CAVIN4: variants seen among roughly 807,000 people sequenced by gnomAD.
CAVIN4 encodes caveolae-associated protein 4.
CAVIN4 carries 10 observed loss-of-function variants against 18.6 expected under a neutral mutation model. The observed-to-expected ratio is 0.54, with a 90% CI of 0.33 to 0.91. The LOEUF is 0.91. Ranked by LOEUF, CAVIN4 falls within the 40% of genes least tolerant of loss-of-function variation. CAVIN4 has a pLI of 0.02. For synonymous variants in CAVIN4, 173 were observed against 164.8 expected (o/e 1.05, Z -0.38); for missense variants, 459 against 440.5 (o/e 1.04, Z -0.38).
chr9:100,584,847 C>A (rs964835510), intron 1 of CAVIN4, among the ~76,000 whole-genome samples: 1 of 152,108 alleles, frequency 6.6e-6, no homozygotes, highest in Non-Finnish European at 1.5e-5. Flanking sequence ...GAGACCCCGT[C>A]TTTATGAAAA....
chr9:100,578,468 A>G lies in CAVIN4; in HGVS notation c.325A>G (p.Lys109Glu). 1 of 1,614,038 alleles carries G rather than the reference A, an allele frequency of 6.2e-7. No individual in the cohort carries two copies. Among genetic ancestry groups the G allele is most frequent in the Non-Finnish European group, 8.5e-7 (1 of 1,179,966 alleles). Reference sequence around the variant, plus strand: ...TAAAGATGTGAAAGCCCGGGTGGAGAAGCAACAAATTCATGTTAAAAAAGT... The same window carrying G: ...TAAAGATGTGAAAGCCCGGGTGGAGGAGCAACAAATTCATGTTAAAAAAGT... The part of the protein sequence containing the change: ...HIKDVKARVE[K>E]QQIHVKKVEV... Residue 109 changes from lysine (K) to glutamate (E), a missense_variant, in exon 1 of 2, where the codon AAG (lysine) becomes GAG (glutamate). Lys to Glu is a moderately conservative substitution (Grantham distance 56). Coordinates refer to ENST00000307584, the MANE Select transcript of CAVIN4 (RefSeq NM_001018116.2).
intron 1 of CAVIN4, among the ~76,000 whole-genome samples, chr9:100,585,113 G>A (rs1839463273): frequency 6.6e-6 from 1 of 152,182 alleles, no homozygotes; most frequent in African/African-American, 2.4e-5. Flanking sequence ...ATACTTAGTT[G>A]ATGTTCTGGA....
Position 100,578,420 on chromosome 9 carries a change from A to C in CAVIN4, c.277A>C (p.Thr93Pro). The change falls in exon 1 of 2, where the codon ACC becomes CCC. Residue 93 changes from threonine (T) to proline (P), a missense_variant. Physicochemically the swap from Thr to Pro is conservative, Grantham distance 38. Coordinates refer to ENST00000307584, the MANE Select transcript of CAVIN4 (RefSeq NM_001018116.2). ...TATCATTAACAAATTGTTTGAGAAA[A>C]CCCGAAAAGTTAGTGCTCACATTAA... ...GHIINKLFEK[T>P]RKVSAHIKDV... 6.2e-7 allele frequency: 1 copy of C among 1,614,030 alleles called. No homozygotes were observed. The highest frequency in any genetic ancestry group is 1.1e-5 in the South Asian group (1 of 91,068).
chr9:100,583,796 C>T (rs1289568605), intron 1 of CAVIN4, among the ~76,000 whole-genome samples: 2 of 152,164 alleles, frequency 1.3e-5, no homozygotes, highest in African/African-American at 4.8e-5. Flanking sequence ...ACAGGCATGT[C>T]CCACCACACC....
intron 1 of CAVIN4, among the ~76,000 whole-genome samples, chr9:100,582,695 T>C (rs1293733621): frequency 1.3e-5 from 2 of 152,184 alleles, no homozygotes; most frequent in African/African-American, 4.8e-5. Context: ...TCTTTGGGAG[T>C]TCCCCCTGCC....
At chr9:100,581,214 T>G (rs1839423080) in intron 1 of CAVIN4, 1 of 152,232 alleles carries the variant, frequency 6.6e-6, no homozygotes, top group South Asian at 2.1e-4. Context: ...CTGGTCCTCC[T>G]CTATCGTGGA....
At chr9:100,581,407 C>G (rs951816421) in intron 1 of CAVIN4, 1 of 152,204 alleles carries the variant, frequency 6.6e-6, no homozygotes, top group Non-Finnish European at 1.5e-5. Flanking sequence ...GATGTTCAAT[C>G]CAGCCCACAG....
Position 100,586,157 on chromosome 9 carries a change from A to G in CAVIN4, c.801A>G (p.Glu267=). 13 of 1,567,510 alleles carry G rather than the reference A, an allele frequency of 8.3e-6. No individual in the cohort carries two copies. The highest frequency in any genetic ancestry group is 1.1e-5 in the Non-Finnish European group (13 of 1,159,916). ...KSISNAAPSK[E]AFKMRSLRKG... ...TTTCTAATGCAGCTCCCTCAAAGGA[A>G]GCTTTTAAGATGCGCAGCCTCAGGA... The change falls in exon 2 of 2, where the codon GAA becomes GAG. Residue 267 remains glutamate (E), a synonymous_variant. Coordinates refer to ENST00000307584, the MANE Select transcript of CAVIN4 (RefSeq NM_001018116.2).
chr9:100,586,343 T>G lies in CAVIN4; in HGVS notation c.987T>G (p.His329Gln), dbSNP rs752652787. 6 of 1,613,948 alleles carry G rather than the reference T, an allele frequency of 3.7e-6. No individual in the cohort carries two copies. In the South Asian group the frequency reaches 6.6e-5, roughly 18 times the overall value. Reference protein sequence around the residue: ...HEAARPVYPPHEGREIPTPEP... With the variant: ...HEAARPVYPPQEGREIPTPEP... ...CAGCCAGGCCGGTGTATCCTCCCCA[T>G]GAAGGAAGGGAAATCCCCACCCCCG... The change falls in exon 2 of 2, where the codon CAT (histidine) becomes CAG (glutamine). Residue 329 changes from histidine to glutamine, a missense_variant. His to Gln is a conservative substitution (Grantham distance 24). Coordinates refer to ENST00000307584, the MANE Select transcript of CAVIN4 (RefSeq NM_001018116.2).
Position 100,585,924 on chromosome 9 carries a change from T to A in CAVIN4, c.568T>A (p.Ser190Thr). 4 of 1,614,002 alleles carry A rather than the reference T, an allele frequency of 2.5e-6. No homozygotes were observed. The highest frequency in any genetic ancestry group is 3.4e-6 in the Non-Finnish European group (4 of 1,180,006). ...AAGCAGATCTGCCAGGCTTAGGAAG[T>A]CAGGCAAGGAGCACATTGATAATAT... ...EESRSARLRK[S>T]GKEHIDNIKK... is the part of the protein sequence containing the mutation. The change falls in exon 2 of 2, where the codon TCA becomes ACA. Residue 190 changes from serine (S) to threonine (T), a missense_variant. Physicochemically the swap from Ser to Thr is moderately conservative, Grantham distance 58 (BLOSUM62 1). Transcript: ENST00000307584.
chr9:100,583,460 C>A (rs1839447232), intron 1 of CAVIN4, among the ~76,000 whole-genome samples: 1 of 152,158 alleles, frequency 6.6e-6, no homozygotes, highest in East Asian at 1.9e-4. Context: ...CTGCTTCTCA[C>A]CCCCAACCTG....
In CAVIN4 at chr9:100,585,967, A is replaced by G; in HGVS notation, c.611A>G (p.Lys204Arg). 6.2e-7 allele frequency: 1 copy of G among 1,614,178 alleles called. No homozygotes were observed. The highest frequency in any genetic ancestry group is 8.5e-7 in the Non-Finnish European group (1 of 1,180,040). Residue 204 changes from lysine (K) to arginine (R), a missense_variant, in exon 2 of 2, where the codon AAA becomes AGA. Coordinates refer to ENST00000307584, the MANE Select transcript of CAVIN4 (RefSeq NM_001018116.2). ...HIDNIKKAFS[K>R]ENMQKTRQNL... The stretch of plus-strand genomic sequence containing the variant: ...GATAATATCAAGAAGGCATTTTCCA[A>G]AGAAAACATGCAGAAGACACGGCAG...
chr9:100,578,216 G>A lies in CAVIN4; in HGVS notation c.73G>A (p.Glu25Lys), dbSNP rs1190219184. 6.2e-7 allele frequency: 1 copy of A among 1,613,990 alleles called. No individual in the cohort carries two copies. Among genetic ancestry groups the A allele is most frequent in the South Asian group, 1.1e-5 (1 of 91,072 alleles). ...QNRLSSVTED[E>K]DQDAALTIVT... ...TCGCCTGTCGAGTGTTACAGAAGAT[G>A]AAGACCAAGACGCTGCTCTTACCAT... The change falls in exon 1 of 2, where the codon GAA (glutamate) becomes AAA (lysine). Residue 25 changes from glutamate (E) to lysine (K), a missense_variant. Transcript: ENST00000307584.
intron 1 of CAVIN4, among the ~76,000 whole-genome samples, chr9:100,584,432 T>G (rs1839457728): frequency 6.6e-6 from 1 of 152,254 alleles, no homozygotes; most frequent in African/African-American, 2.4e-5. Context: ...TTTGATCCAA[T>G]AATCATTTAT....
Position 100,578,640 on chromosome 9 carries a change from A to C in CAVIN4, c.408+89A>C. 6 of 1,235,874 alleles carry C rather than the reference A, an allele frequency of 4.9e-6. 1 individual carries two copies. The highest frequency in any genetic ancestry group is 1.9e-4 in the Middle Eastern group (1 of 5,262). The allele number at this position is 1,235,874 out of a possible 1,614,324, so 76.6% of individuals were successfully genotyped here. The stretch of plus-strand genomic sequence containing the variant: ...TCATATCAGAGGTTTCCAGTGTCAC[A>C]TCTTAACTATTGTATATATTAATAC... On this transcript the variant is annotated intron_variant, in intron 1 of 1. Transcript: ENST00000307584.
In CAVIN4 at chr9:100,578,470, G is replaced by A. The variant is rs1424888328; in HGVS notation, c.327G>A (p.Lys109=). Residue 109 remains lysine, a synonymous_variant, in exon 1 of 2, where the codon AAG becomes AAA. Coordinates refer to ENST00000307584, the MANE Select transcript of CAVIN4 (RefSeq NM_001018116.2). ...HIKDVKARVE[K]QQIHVKKVEV... Reference sequence around the variant, plus strand: ...AAGATGTGAAAGCCCGGGTGGAGAAGCAACAAATTCATGTTAAAAAAGTTG... The same window carrying A: ...AAGATGTGAAAGCCCGGGTGGAGAAACAACAAATTCATGTTAAAAAAGTTG... 13 of 1,613,890 alleles carry A rather than the reference G, an allele frequency of 8.1e-6. No individual in the cohort carries two copies. Among genetic ancestry groups the A allele is most frequent in the Admixed American group, 1.7e-5 (1 of 59,988 alleles).
rs1839504875 is a variant in CAVIN4 at position 100,588,289 on chromosome 9, A to C, written c.*1838A>C. 6.6e-6 allele frequency among the ~76,000 whole-genome samples: 1 copy of C among 152,242 alleles called. No individual in the cohort carries two copies. The highest frequency in any genetic ancestry group is 1.5e-5 in the Non-Finnish European group (1 of 68,046). ...GTATACAACATTGGATAACACTTTC[A>C]AATGAATAATTTTAAAATGTTTTTA... is the stretch of plus-strand genomic sequence containing the variant. On this transcript the variant is annotated 3_prime_UTR_variant, in exon 2 of 2. Transcript: ENST00000307584.
rs149928914 is a variant in CAVIN4, at chr9:100,578,202, G to C, written c.59G>C (p.Ser20Thr). 52 of 1,614,026 alleles carry C rather than the reference G, an allele frequency of 3.2e-5. No individual in the cohort carries two copies. The African/African-American group carries it at 6.4e-4, about 20-fold the overall frequency. The change falls in exon 1 of 2, where the codon AGT becomes ACT. Residue 20 changes from serine to threonine, a missense_variant. Ser to Thr is a moderately conservative substitution (Grantham distance 58). Coordinates refer to ENST00000307584, the MANE Select transcript of CAVIN4 (RefSeq NM_001018116.2). Reference protein sequence around the residue: ...ADKIHQNRLSSVTEDEDQDAA... With the variant: ...ADKIHQNRLSTVTEDEDQDAA... ...AAAATCCACCAGAATCGCCTGTCGA[G>C]TGTTACAGAAGATGAAGACCAAGAC...
chr9:100,584,770 A>G (rs1264190695), intron 1 of CAVIN4, among the ~76,000 whole-genome samples: 4 of 152,212 alleles, frequency 2.6e-5, no homozygotes, highest in African/African-American at 9.6e-5. Flanking sequence ...AGTCCCAGCT[A>G]CTTGGGAGAC....
Sources: gnomAD v4.1 joint callset for allele counts (sites outside exome capture counted in the v4.1 genomes callset) on GRCh38, gnomAD v4.1.1 for gene constraint, MANE v1.5 for transcripts, NCBI Gene and HGNC (gene_info 2026-07-23, HGNC 2026-07-21) for gene names.